Variants in SHQ1 observed in about 807,000 individuals in gnomAD.
SHQ1 encodes the protein SHQ1, H/ACA ribonucleoprotein assembly factor.
A neutral mutation model predicts 53.8 loss-of-function variants in SHQ1; 49 were observed. That is an observed-to-expected ratio of 0.91 (90% CI 0.72 to 1.16). The LOEUF (loss-of-function observed/expected upper bound fraction) is 1.16, where lower values mean the gene tolerates loss of function less well. Among genes scored for constraint, SHQ1 ranks in the 50% most tolerant of loss-of-function variants. SHQ1 has a pLI of 0.00. For synonymous variants in SHQ1, 243 were observed against 251.0 expected (o/e 0.97, Z 0.30); for missense variants, 738 against 683.1 (o/e 1.08, Z -0.90).
At chr3:72,837,234 A>G (rs1405119550) in intron 4 of SHQ1, among the ~76,000 whole-genome samples, 3 of 152,202 alleles carry the variant, frequency 2.0e-5, no homozygotes, top group Non-Finnish European at 4.4e-5. Flanking sequence ...TAGGAAGAAT[A>G]TATCTCTGGG....
intron 9 of SHQ1, 200 bp from the exon 10 acceptor site, chr3:72,793,236 A>G (rs1477849663): frequency 2.3e-6 from 1 of 430,296 alleles, no homozygotes; most frequent in Non-Finnish European, 4.1e-6. Context: ...GGCCAGGCAC[A>G]GTGGCTCACA....
At position 72,839,359 on chromosome 3, in the gene SHQ1, T is replaced by C. The variant is rs146710727; in HGVS notation, c.486+1686A>G. ...AGCGATTGTGATCAAGCAGAGAATA[T>C]GGGCAGACCACAACTCAGCAGAAAA... is the stretch of plus-strand genomic sequence containing the variant. On this transcript the variant is annotated intron_variant, in intron 4 of 10. Transcript: ENST00000325599. 3.2e-4 allele frequency among the ~76,000 whole-genome samples: 48 copies of C among 152,316 alleles called. No homozygotes were observed. In the East Asian group the frequency reaches 9.3e-3, roughly 29 times the overall value.
chr3:72,748,714 C>CA (rs1268134835), downstream of SHQ1, among the ~76,000 whole-genome samples: 2 of 151,636 alleles, frequency 1.3e-5, no homozygotes, highest in East Asian at 1.9e-4. Context: ...CAAAACAAGG[C>CA]AAAAAAACAC....
chr3:72,751,445 C>A (rs1007491706), intron 10 of SHQ1, among the ~76,000 whole-genome samples: 29 of 146,490 alleles, frequency 2.0e-4, no homozygotes, highest in African/African-American at 6.9e-4. Flanking sequence ...ATATCAATTT[C>A]TTCTGGGTAA....
chr3:72,846,095 A>T, intron 1 of SHQ1: 1 of 918,552 alleles, frequency 1.1e-6, no homozygotes, highest in Non-Finnish European at 1.7e-6. Flanking sequence ...CAAAGAGCTT[A>T]GTGGCCGGCA....
chr3:72,805,669 G>T (rs948530022), intron 9 of SHQ1, among the ~76,000 whole-genome samples: 2 of 152,082 alleles, frequency 1.3e-5, no homozygotes, highest in African/African-American at 4.8e-5. Flanking sequence ...GATTTAAATT[G>T]TATGTAATAT....
In SHQ1 at chr3:72,832,567, C is replaced by T. The variant is rs1707857386; in HGVS notation, c.487-86G>A. On this transcript the variant is annotated intron_variant, in intron 4 of 10. Coordinates refer to ENST00000325599, the MANE Select transcript of SHQ1 (RefSeq NM_018130.3). ...AAATTTTATACAAAATGCCAAAGCA[C>T]AGGAAGAACCTAACTGATCAGTAAA... 29 of 864,052 alleles carry T rather than the reference C, an allele frequency of 3.4e-5. 2 individuals are homozygous for T. The South Asian group carries it at 4.6e-4, about 14-fold the overall frequency. The allele number at this position is 864,052 out of a possible 1,614,324, so 53.5% of individuals were successfully genotyped here.
At chr3:72,790,652 A>G (rs1405527634) in intron 10 of SHQ1, among the ~76,000 whole-genome samples, 1 of 152,182 alleles carries the variant, frequency 6.6e-6, no homozygotes, top group African/African-American at 2.4e-5. Context: ...AGAAAGCTCA[A>G]TCATGTTGTG....
intron 7 of SHQ1, 60 bp from the exon 8 acceptor site, chr3:72,815,463 C>T: frequency 7.9e-7 from 1 of 1,272,662 alleles, no homozygotes; most frequent in Non-Finnish European, 1.1e-6. Flanking sequence ...TTTAAATAGA[C>T]CAAACAAATC....
intron 6 of SHQ1, among the ~76,000 whole-genome samples, chr3:72,822,919 G>T (rs1405915511): frequency 2.0e-5 from 3 of 152,170 alleles, no homozygotes; most frequent in Non-Finnish European, 2.9e-5. Context: ...GGAGGCCGAG[G>T]CTGGCGGATC....
intron 10 of SHQ1, among the ~76,000 whole-genome samples, chr3:72,752,579 T>G (rs1575673036): frequency 6.6e-6 from 1 of 151,916 alleles, no homozygotes; most frequent in South Asian, 2.1e-4. Flanking sequence ...CAGGCTGGAG[T>G]GCAGTGGTGT....
chr3:72,815,328 C>T, intron 8 of SHQ1, 22 bp downstream of exon 8: 1 of 1,606,168 alleles, frequency 6.2e-7, no homozygotes, highest in Non-Finnish European at 8.5e-7. Flanking sequence ...AAATTCTAAA[C>T]AATTGCAACT....
At chr3:72,791,726 T>G (rs67961837) in intron 10 of SHQ1, among the ~76,000 whole-genome samples, 31,525 of 151,880 alleles carry the variant, frequency 0.21, 3,542 homozygotes, top group Non-Finnish European at 0.25. Flanking sequence ...GTTTTGTTTT[T>G]TTTTTAATAC....
rs189556765 is a variant in SHQ1 at position 72,786,804 on chromosome 3, T to C, written c.1181+6112A>G. ...GCACATAATAGAGCTCAATAACTAC[T>C]GGTTGAAAAAAAATACATGACTCCA... On this transcript the variant is annotated intron_variant, in intron 10 of 10. Coordinates refer to ENST00000325599, the MANE Select transcript of SHQ1 (RefSeq NM_018130.3). Among the ~76,000 whole-genome samples the C allele has an allele frequency of 4.6e-5, 7 of 152,232 alleles. No homozygotes were observed. The East Asian group carries it at 1.4e-3, about 29-fold the overall frequency.
chr3:72,772,766 TA>T (rs1159870712), intron 10 of SHQ1: 2 of 755,498 alleles, frequency 2.6e-6, no homozygotes, highest in Non-Finnish European at 5.0e-6. Context: ...GGAATCCCTA[TA>T]AAAAGTCCTG....
chr3:72,761,171 A>T (rs1297637653), intron 10 of SHQ1, among the ~76,000 whole-genome samples: 1 of 152,048 alleles, frequency 6.6e-6, no homozygotes. Context: ...TTATTTTTAA[A>T]ATTTTTTTTA....
chr3:72,788,903 A>T (rs1336905646), intron 10 of SHQ1, among the ~76,000 whole-genome samples: 1 of 151,876 alleles, frequency 6.6e-6, no homozygotes, highest in Non-Finnish European at 1.5e-5. Context: ...AGTCATCACC[A>T]CTCCCTAATC....
At chr3:72,816,996 C>T (rs933324323) in intron 7 of SHQ1, among the ~76,000 whole-genome samples, 2 of 152,220 alleles carry the variant, frequency 1.3e-5, no homozygotes, top group Admixed American at 1.3e-4. Flanking sequence ...AACTTCCCTA[C>T]TCTGCTATTT....
chr3:72,772,843 A>G (rs1705884139), intron 10 of SHQ1: 9 of 771,984 alleles, frequency 1.2e-5, no homozygotes, highest in Non-Finnish European at 2.2e-5. Flanking sequence ...GCCTATATCT[A>G]AAGTTGCCCC....
Sources: allele counts gnomAD v4.1 joint callset (sites outside exome capture counted in the v4.1 genomes callset), GRCh38; gene constraint gnomAD v4.1.1; transcripts MANE v1.5; gene names NCBI Gene and HGNC (gene_info 2026-07-23, HGNC 2026-07-21).